The following SLC24A3 variants were observed in gnomAD, a reference collection of about 807,000 sequenced individuals.
SLC24A3 encodes solute carrier family 24 member 3, also known as sodium/potassium/calcium exchanger 3.
Under a neutral mutation model 75.8 loss-of-function variants are expected in SLC24A3, and 28 were observed. The observed-to-expected ratio is 0.37, with a 90% CI of 0.27 to 0.51. The LOEUF (loss-of-function observed/expected upper bound fraction) is 0.51. SLC24A3 is among the 20% of genes least tolerant of loss of function. The probability of loss-of-function intolerance (pLI) is 0.94; values close to 1 mark genes in which losing one functional copy is unlikely to be tolerated. For synonymous variants in SLC24A3, 372 were observed against 334.1 expected (o/e 1.11, Z -1.24); for missense variants, 663 against 847.8 (o/e 0.78, Z 2.71).
intron 3 of SLC24A3, among the ~76,000 whole-genome samples, chr20:19,545,687 C>T (rs1012362723): frequency 3.9e-5 from 6 of 152,162 alleles, no homozygotes; most frequent in Non-Finnish European, 8.8e-5. Flanking sequence ...GCAGTATTTT[C>T]CCAGGACTGG....
At chr20:19,402,028 T>C (rs1481275608) in intron 2 of SLC24A3, among the ~76,000 whole-genome samples, 2 of 152,228 alleles carry the variant, frequency 1.3e-5, no homozygotes, top group Non-Finnish European at 2.9e-5. Context: ...TCTTGTTGTC[T>C]GCTTCTGGGG....
intron 6 of SLC24A3, among the ~76,000 whole-genome samples, chr20:19,590,941 G>C (rs2031366594): frequency 6.6e-6 from 1 of 152,190 alleles, no homozygotes; most frequent in African/African-American, 2.4e-5. Context: ...AGGAAAGGTA[G>C]ACAGTCCTGC....
At chr20:19,260,648 G>T (rs1568571454) in intron 1 of SLC24A3, among the ~76,000 whole-genome samples, 1 of 152,208 alleles carries the variant, frequency 6.6e-6, no homozygotes, top group African/African-American at 2.4e-5. Flanking sequence ...TTTGTGAAAA[G>T]AACTGCTGCA....
At chr20:19,596,876 T>C (rs1327525224) in intron 6 of SLC24A3, among the ~76,000 whole-genome samples, 1 of 152,170 alleles carries the variant, frequency 6.6e-6, no homozygotes, top group African/African-American at 2.4e-5. Context: ...GATTGACCCA[T>C]CTTATTCTCT....
At chr20:19,655,182 G>C (rs1354536411) in intron 7 of SLC24A3, among the ~76,000 whole-genome samples, 1 of 152,172 alleles carries the variant, frequency 6.6e-6, no homozygotes, top group African/African-American at 2.4e-5. Flanking sequence ...CGCAGCAGCT[G>C]CTGCAGTTCA....
intron 6 of SLC24A3, among the ~76,000 whole-genome samples, chr20:19,637,216 G>A (rs1415403654): frequency 1.3e-5 from 2 of 152,208 alleles, no homozygotes; most frequent in Non-Finnish European, 2.9e-5. Flanking sequence ...CAGGTGAATC[G>A]CTTGAACCCA....
intron 1 of SLC24A3, among the ~76,000 whole-genome samples, chr20:19,231,161 G>A (rs1982010616): frequency 6.6e-6 from 1 of 152,172 alleles, no homozygotes; most frequent in Non-Finnish European, 1.5e-5. Flanking sequence ...TACTTTCTGT[G>A]AAAACACTCT....
chr20:19,658,417 A>G (rs2032289292), intron 7 of SLC24A3, among the ~76,000 whole-genome samples: 1 of 152,188 alleles, frequency 6.6e-6, no homozygotes, highest in South Asian at 2.1e-4. Context: ...AGCTCAGAAC[A>G]GTTCACTCGG....
rs148793540 is a variant in SLC24A3 at position 19,585,045 on chromosome 20, A to G, written c.498A>G (p.Thr166=). 312 of 1,613,462 alleles carry G rather than the reference A, an allele frequency of 1.9e-4. No homozygotes were observed. In the African/African-American group the frequency reaches 3.7e-3, roughly 19 times the overall value. ...GAAGTTCGGCCCCAGAGCTGTTCAC[A>G]TCGGTCATAGGTAGGTGACAGACTG... is the stretch of plus-strand genomic sequence containing the variant. ...AAGSSAPELF[T]SVIGVFITKG... Residue 166 remains threonine (T), a synonymous_variant, in exon 5 of 17, where the codon ACA becomes ACG. Coordinates refer to ENST00000328041, the MANE Select transcript of SLC24A3 (RefSeq NM_020689.4).
chr20:19,655,891 C>A (rs1325367623), intron 7 of SLC24A3, among the ~76,000 whole-genome samples: 1 of 152,138 alleles, frequency 6.6e-6, no homozygotes, highest in Non-Finnish European at 1.5e-5. Flanking sequence ...CAATCCCTCA[C>A]AGCAAATCTT....
intron 2 of SLC24A3, among the ~76,000 whole-genome samples, chr20:19,368,180 G>GA (rs1202652225): frequency 1.8e-5 from 2 of 110,414 alleles, no homozygotes; most frequent in Non-Finnish European, 3.7e-5. Flanking sequence ...AACCTAGAGG[G>GA]ATGTTGGGCT....
intron 2 of SLC24A3, among the ~76,000 whole-genome samples, chr20:19,303,539 G>A (rs527348132): frequency 3.3e-5 from 5 of 152,118 alleles, no homozygotes; most frequent in Non-Finnish European, 7.4e-5. Context: ...TAATGGGATC[G>A]CTGGATCAAA....
intron 1 of SLC24A3, among the ~76,000 whole-genome samples, chr20:19,253,065 C>T (rs2122182594): frequency 6.6e-6 from 1 of 152,348 alleles, no homozygotes; most frequent in East Asian, 1.9e-4. Flanking sequence ...AATCCTGCTG[C>T]TCCTAAGTGC....
At chr20:19,446,978 A>G (rs564530976) in intron 2 of SLC24A3, among the ~76,000 whole-genome samples, 14 of 152,300 alleles carry the variant, frequency 9.2e-5, no homozygotes, top group African/African-American at 3.4e-4. Flanking sequence ...TATGACTTGG[A>G]TGAGGGCACT....
chr20:19,534,942 C>T (rs1012974894), intron 3 of SLC24A3, among the ~76,000 whole-genome samples: 2 of 152,206 alleles, frequency 1.3e-5, no homozygotes, highest in Non-Finnish European at 2.9e-5. Context: ...GAAATGCTAA[C>T]TTACTATGTA....
In SLC24A3 at chr20:19,378,869, G is replaced by A. The variant is rs182249507; in HGVS notation, c.271+97782G>A. On this transcript the variant is annotated intron_variant, in intron 2 of 16. Coordinates refer to ENST00000328041, the MANE Select transcript of SLC24A3 (RefSeq NM_020689.4). ...ACAAATGCAATTGGTATCACCTAAGGCTTGAGAAGTAGATCTCTACTTTCT... is the reference window on the plus strand; with the variant it reads ...ACAAATGCAATTGGTATCACCTAAGACTTGAGAAGTAGATCTCTACTTTCT... Among the ~76,000 whole-genome samples, 80 of 150,990 alleles carry A rather than the reference G, an allele frequency of 5.3e-4. 1 individual carries two copies. In the East Asian group the frequency reaches 8.2e-3, roughly 16 times the overall value.
At chr20:19,655,259 A>C (rs1333899465) in intron 7 of SLC24A3, among the ~76,000 whole-genome samples, 1 of 152,164 alleles carries the variant, frequency 6.6e-6, no homozygotes, top group Non-Finnish European at 1.5e-5. Flanking sequence ...CACCCCAGCC[A>C]GTCCTCACGG....
At position 19,684,217 on chromosome 20, in the gene SLC24A3, C is replaced by T. The variant is rs2032647029; in HGVS notation, c.943C>T (p.Leu315=). The change falls in exon 11 of 17, where the codon CTG becomes TTG. Residue 315 remains leucine, a synonymous_variant. Coordinates refer to ENST00000328041, the MANE Select transcript of SLC24A3 (RefSeq NM_020689.4). ...AGCATCAGTGATCATGGTAGACGAG[C>T]TGCTGTCAGCCTACCCACACCAGCT... ...RKASVIMVDE[L]LSAYPHQLSF... 6.2e-6 allele frequency: 10 copies of T among 1,614,182 alleles called. No individual in the cohort carries two copies. Among genetic ancestry groups the T allele is most frequent in the Non-Finnish European group, 7.6e-6 (9 of 1,180,032 alleles).
At chr20:19,458,150 C>CA (rs1362136544) in intron 2 of SLC24A3, among the ~76,000 whole-genome samples, 1 of 152,002 alleles carries the variant, frequency 6.6e-6, no homozygotes, top group East Asian at 1.9e-4. Context: ...CTACATCCTG[C>CA]AAAAAAGATG....
Sources: allele counts gnomAD v4.1 joint callset (sites outside exome capture counted in the v4.1 genomes callset), GRCh38; gene constraint gnomAD v4.1.1; transcripts MANE v1.5; gene names NCBI Gene and HGNC (gene_info 2026-07-23, HGNC 2026-07-21).